AGTPBP1: variants seen among roughly 807,000 people sequenced by gnomAD.
AGTPBP1 encodes the protein ATP/GTP binding carboxypeptidase 1.
Under a neutral mutation model 143.9 loss-of-function variants are expected in AGTPBP1, and 70 were observed. That is an observed-to-expected ratio of 0.49 (90% CI 0.40 to 0.59). AGTPBP1 has a LOEUF of 0.59. AGTPBP1 is among the 20% of genes least tolerant of loss of function. The pLI is 0.00. For synonymous variants in AGTPBP1, 463 were observed against 500.2 expected, an observed-to-expected ratio of 0.93 and a Z score of 0.99; for missense variants, 1,229 against 1,464.5, an observed-to-expected ratio of 0.84 and a Z score of 2.62.
At chr9:85,614,975 G>A (rs1054763340) in intron 17 of AGTPBP1, among the ~76,000 whole-genome samples, 4 of 152,044 alleles carry the variant, frequency 2.6e-5, no homozygotes, top group African/African-American at 7.2e-5. Context: ...GCTTCTGAAC[G>A]GTATTTCGTA....
chr9:85,642,326 C>A (rs1296761434), intron 13 of AGTPBP1, among the ~76,000 whole-genome samples: 3 of 151,858 alleles, frequency 2.0e-5, no homozygotes, highest in Admixed American at 6.6e-5. Flanking sequence ...ATGTAATAGT[C>A]CATCTCCCCT....
At chr9:85,740,003 C>G (rs76306769) in intron 1 of AGTPBP1, among the ~76,000 whole-genome samples, 1 of 113,658 alleles carries the variant, frequency 8.8e-6, no homozygotes, top group African/African-American at 3.3e-5. Context: ...GACTCCGTCT[C>G]AAAAAAAAAA....
At chr9:85,598,735 T>C (rs1252351619) in intron 17 of AGTPBP1, among the ~76,000 whole-genome samples, 2 of 152,182 alleles carry the variant, frequency 1.3e-5, no homozygotes, top group East Asian at 3.9e-4. Context: ...ATTATTTTTT[T>C]CCAAAATGGA....
chr9:85,770,922 A>T, the AGTPBP1 span, among the ~76,000 whole-genome samples: 1 of 152,038 alleles, frequency 6.6e-6, no homozygotes, highest in African/African-American at 2.4e-5. Context: ...ATGAGTTGAA[A>T]TGAAGATGAA....
At chr9:85,583,818 C>T (rs1203118971) in intron 23 of AGTPBP1, among the ~76,000 whole-genome samples, 2 of 152,054 alleles carry the variant, frequency 1.3e-5, no homozygotes, top group Non-Finnish European at 2.9e-5. Context: ...GCAAATCAGA[C>T]ATCTTTGCTA....
At chr9:85,689,925 A>ATATATATAT (rs1554726690) in intron 3 of AGTPBP1, among the ~76,000 whole-genome samples, 7 of 72,472 alleles carry the variant, frequency 9.7e-5, no homozygotes, top group African/African-American at 2.1e-4. Context: ...AAAAAAAAAA[A>ATATATATAT]ATATATATAT....
At chr9:85,628,908 G>T (rs1248350614) in intron 14 of AGTPBP1, among the ~76,000 whole-genome samples, 1 of 151,912 alleles carries the variant, frequency 6.6e-6, no homozygotes, top group Non-Finnish European at 1.5e-5. Flanking sequence ...GTAGAGACAG[G>T]GTTTTACTGT....
chr9:85,667,330 C>T (rs141279554), intron 8 of AGTPBP1, among the ~76,000 whole-genome samples: 2,573 of 152,064 alleles, frequency 0.017, 36 homozygotes, highest in African/African-American at 0.038. Flanking sequence ...AGGGTGAAAA[C>T]ACTGGAAATG....
At chr9:85,765,078 C>A in the AGTPBP1 span, 3 of 536,878 alleles carry the variant, frequency 5.6e-6, no homozygotes, top group Non-Finnish European at 1.0e-5. Flanking sequence ...ACTTATTTGG[C>A]ACCATAAACC....
intron 11 of AGTPBP1, among the ~76,000 whole-genome samples, chr9:85,648,728 C>T (rs1214751689): frequency 3.3e-5 from 5 of 152,086 alleles, no homozygotes; most frequent in Non-Finnish European, 5.9e-5. Context: ...AGGAGAATGG[C>T]GTGAACCCGG....
At chr9:85,573,561 A>G (rs1294728830) in intron 25 of AGTPBP1, among the ~76,000 whole-genome samples, 1 of 146,786 alleles carries the variant, frequency 6.8e-6, no homozygotes, top group East Asian at 2.0e-4. Flanking sequence ...CTGCCTGGCC[A>G]CCCATCGTCT....
At position 85,672,543 on chromosome 9, in the gene AGTPBP1, T is replaced by A; in HGVS notation, c.568+7A>T. On this transcript the variant is annotated splice_region_variant and intron_variant, in intron 7 of 25. Coordinates refer to ENST00000357081, the MANE Select transcript of AGTPBP1 (RefSeq NM_001330701.2). ...CTGAGTTAACTAAAAGCCACCTAAA[T>A]ACTCACAGTTGGCAGAATATACTCG... 6.2e-7 allele frequency: 1 copy of A among 1,606,322 alleles called. No individual in the cohort carries two copies. Among genetic ancestry groups the A allele is most frequent in the Non-Finnish European group, 8.5e-7 (1 of 1,177,738 alleles).
At chr9:85,650,530 C>T (rs927265111) in intron 11 of AGTPBP1, among the ~76,000 whole-genome samples, 2 of 152,072 alleles carry the variant, frequency 1.3e-5, no homozygotes, top group African/African-American at 4.8e-5. Context: ...TATGTATTAA[C>T]TGTTTATGTT....
At chr9:85,795,744 G>C in the AGTPBP1 span, among the ~76,000 whole-genome samples, 1 of 152,086 alleles carries the variant, frequency 6.6e-6, no homozygotes. Context: ...AATTCGTTTA[G>C]GATAATTGGC....
At chr9:85,597,499 G>A (rs1316409000) in intron 17 of AGTPBP1, among the ~76,000 whole-genome samples, 2 of 151,996 alleles carry the variant, frequency 1.3e-5, no homozygotes, top group Non-Finnish European at 2.9e-5. Flanking sequence ...GCCATTCCAT[G>A]TAATATTTGC....
chr9:85,655,401 A>G (rs1329954291), intron 10 of AGTPBP1, 81 bp from the exon 11 acceptor site: 2 of 1,160,068 alleles, frequency 1.7e-6, no homozygotes, highest in Admixed American at 6.6e-5. Context: ...AAAAAGTGTC[A>G]TACATTAATA....
In AGTPBP1 at chr9:85,632,714, T is replaced by C. The variant is rs1564084328; in HGVS notation, c.1963A>G (p.Ile655Val). The C allele has an allele frequency of 2.5e-6, 4 of 1,614,032 alleles. No homozygotes were observed. The highest frequency in any genetic ancestry group is 2.5e-6 in the Non-Finnish European group (3 of 1,179,926). ...ATAGGCTCTTTGAATGGAGGCGGAA[T>C]GTGACCAAAATAATCGGGATAAGCC... ...EVAYPDYFGH[I>V]PPPFKEPILE... Residue 655 changes from isoleucine to valine, a missense_variant, in exon 14 of 26, where the codon ATT becomes GTT. Coordinates refer to ENST00000357081, the MANE Select transcript of AGTPBP1 (RefSeq NM_001330701.2).
chr9:85,729,366 A>T (rs1017614839), intron 1 of AGTPBP1, among the ~76,000 whole-genome samples: 50 of 152,250 alleles, frequency 3.3e-4, no homozygotes, highest in African/African-American at 1.1e-3. Flanking sequence ...ATGAACCTTG[A>T]AAACATTACA....
At chr9:85,596,711 A>G (rs1403070892) in intron 17 of AGTPBP1, among the ~76,000 whole-genome samples, 3 of 152,206 alleles carry the variant, frequency 2.0e-5, no homozygotes, top group Non-Finnish European at 4.4e-5. Context: ...AACTTTCTAC[A>G]TGAAATCAAT....
Sources: gnomAD v4.1 joint callset for allele counts (sites outside exome capture counted in the v4.1 genomes callset) on GRCh38, gnomAD v4.1.1 for gene constraint, MANE v1.5 for transcripts, NCBI Gene and HGNC (gene_info 2026-07-23, HGNC 2026-07-21) for gene names.